Variants in LRP2 observed in about 807,000 individuals in gnomAD.
The protein encoded by LRP2 is low-density lipoprotein receptor-related protein 2.
In LRP2, 172 loss-of-function variants were observed where a neutral mutation model predicts 531.0. The observed-to-expected ratio is 0.32, with a 90% CI of 0.29 to 0.37. The LOEUF is 0.37. Ranked by LOEUF, LRP2 falls within the 10% of genes least tolerant of loss-of-function variation. LRP2 has a pLI of 1.00. For synonymous variants in LRP2, 1,992 were observed against 2,027.6 expected (o/e 0.98, Z 0.47); for missense variants, 5,167 against 5,868.3 (o/e 0.88, Z 3.90).
intron 24 of LRP2, among the ~76,000 whole-genome samples, chr2:169,242,087 G>A (rs1349045423): frequency 6.6e-6 from 1 of 152,188 alleles, no homozygotes; most frequent in Non-Finnish European, 1.5e-5. Context: ...TAGATGTTGT[G>A]CAAACTATAA....
rs1459105133 is a variant in LRP2, at chr2:169,182,209, C to A, written c.9956G>T (p.Cys3319Phe). Residue 3319 changes from cysteine to phenylalanine, a missense_variant, in exon 51 of 79, where the codon TGC becomes TTC. Transcript: ENST00000649046. ...QHCVDANNTFCFDNPRGLALH... is the reference protein window; with the variant it reads ...QHCVDANNTFFFDNPRGLALH... ...GGCAAGTCCTCTGGGATTATCAAAG[C>A]AGAAGGTGTTGTTGGCATCCACACA... 3 of 1,614,064 alleles carry A rather than the reference C, an allele frequency of 1.9e-6. No individual in the cohort carries two copies. The highest frequency in any genetic ancestry group is 2.5e-6 in the Non-Finnish European group (3 of 1,180,022).
In LRP2 at chr2:169,318,814, C is replaced by T. The variant is rs755807130; in HGVS notation, c.258G>A (p.Val86=). 2 of 1,614,152 alleles carry T rather than the reference C, an allele frequency of 1.2e-6. No individual in the cohort carries two copies. Among genetic ancestry groups the T allele is most frequent in the Non-Finnish European group, 1.7e-6 (2 of 1,179,990 alleles). ...SEGQCIPNSW[V]CDQDQDCDDG... ...CATCACAGTCTTGATCTTGGTCACA[C>T]ACCCAGGAGTTGGGGATGCATTGTC... Residue 86 remains valine, a synonymous_variant, in exon 3 of 79, where the codon GTG becomes GTA. Transcript: ENST00000649046.
Position 169,241,355 on chromosome 2 carries a change from A to G in LRP2, c.3678T>C (p.Pro1226=). The G allele has an allele frequency of 1.2e-6, 2 of 1,614,162 alleles. No individual in the cohort carries two copies. The highest frequency in any genetic ancestry group is 1.7e-6 in the Non-Finnish European group (2 of 1,180,030). ...ATTCATCTGAGTGGCACATACCAGG[A>G]GGCCTGGTTGCTAGAAGGAAAACAT... is the stretch of plus-strand genomic sequence containing the variant. ...NSDEAGCPTR[P]PGMCHSDEFQ... The change falls in exon 25 of 79, where the codon CCT becomes CCC. Residue 1226 remains proline (P), a synonymous_variant. Transcript: ENST00000649046.
intron 36 of LRP2, among the ~76,000 whole-genome samples, chr2:169,212,748 A>G (rs560900083): frequency 2.0e-5 from 3 of 150,222 alleles, no homozygotes; most frequent in South Asian, 2.2e-4. Flanking sequence ...AGAATGATAC[A>G]ATGGACTTTG....
At chr2:169,309,120 T>C (rs542986355) in intron 3 of LRP2, among the ~76,000 whole-genome samples, 3 of 152,220 alleles carry the variant, frequency 2.0e-5, no homozygotes, top group Non-Finnish European at 2.9e-5. Context: ...ATTCTGGATA[T>C]CAGCCCTTTG....
chr2:169,173,396 T>C (rs568526697), intron 56 of LRP2, among the ~76,000 whole-genome samples, 172 bp from the exon 57 acceptor site: 4 of 152,286 alleles, frequency 2.6e-5, no homozygotes, highest in African/African-American at 9.6e-5. Flanking sequence ...AGCAGAAAAA[T>C]AGTCCTAAGT....
At position 169,241,004 on chromosome 2, in the gene LRP2, A is replaced by G. The variant is rs1484068728; in HGVS notation, c.4029T>C (p.Asp1343=). Residue 1343 remains aspartate (D), a synonymous_variant, in exon 25 of 79, where the codon GAT becomes GAC. Transcript: ENST00000649046. ...GAAACTTACTGCAAAGTGGGGACTC[A>G]TCTGTCCCATTGGGGCAGTCAAAGA... ...DGIFDCPNGT[D]ESPLCNGNSC... The G allele has an allele frequency of 1.9e-6, 3 of 1,613,446 alleles. No homozygotes were observed. The highest frequency in any genetic ancestry group is 2.5e-6 in the Non-Finnish European group (3 of 1,180,034).
At chr2:169,243,545 C>A (rs1441466099) in intron 22 of LRP2, 23 bp from the exon 23 acceptor site, 2 of 1,613,662 alleles carry the variant, frequency 1.2e-6, no homozygotes, top group Admixed American at 1.7e-5. Flanking sequence ...GAAAACAAAA[C>A]CAACAAGTTT....
chr2:169,187,633 C>T (rs971905305), intron 49 of LRP2, among the ~76,000 whole-genome samples: 11 of 152,188 alleles, frequency 7.2e-5, no homozygotes, highest in African/African-American at 2.2e-4. Context: ...CAGAGGGATG[C>T]TTCAGGCAAA....
chr2:169,176,552 G>C lies in LRP2; in HGVS notation c.10430C>G (p.Ser3477Cys). Residue 3477 changes from serine (S) to cysteine (C), a missense_variant, in exon 54 of 79, where the codon TCT (serine) becomes TGT (cysteine). By Grantham distance (112) the Ser-to-Cys change is moderately radical. Around this residue, in one of 6 missense-constraint regions of LRP2, gnomAD observed 1,129 missense variants for 1,362.7 expected, o/e 0.83. Transcript: ENST00000649046. ...NPCGTNNGGCSHLCLIKPGGK... is the reference protein window; with the variant it reads ...NPCGTNNGGCCHLCLIKPGGK... ...TCCTGGCTTGATGAGGCAGAGATGAGAACAGCCACCATTGTTGGTACCACA... is the reference window on the plus strand; with the variant it reads ...TCCTGGCTTGATGAGGCAGAGATGACAACAGCCACCATTGTTGGTACCACA... 1 of 1,614,182 alleles carries C rather than the reference G, an allele frequency of 6.2e-7. No homozygotes were observed. The highest frequency in any genetic ancestry group is 8.5e-7 in the Non-Finnish European group (1 of 1,180,028).
At chr2:169,133,577 T>A (rs1047270805) in intron 76 of LRP2, among the ~76,000 whole-genome samples, 2 of 113,884 alleles carry the variant, frequency 1.8e-5, no homozygotes, top group African/African-American at 6.1e-5. Flanking sequence ...ATGTGCCATA[T>A]CTCGAGTTCA....
chr2:169,235,243 AT>A (rs34253860), intron 29 of LRP2, among the ~76,000 whole-genome samples: 72,212 of 145,754 alleles, frequency 0.5, 17,584 homozygotes, highest in South Asian at 0.73. Flanking sequence ...CTTGAAAAAA[AT>A]TTTTTTTTTT....
At chr2:169,275,375 C>T (rs1213499778) in intron 13 of LRP2, 137 bp from the exon 14 acceptor site, 2 of 714,858 alleles carry the variant, frequency 2.8e-6, no homozygotes, top group Non-Finnish European at 2.4e-6. Flanking sequence ...AGAAAAGATA[C>T]ATTTTAGATG....
chr2:169,271,208 A>T, intron 15 of LRP2, 101 bp from the exon 16 acceptor site: 2 of 735,990 alleles, frequency 2.7e-6, no homozygotes, highest in Non-Finnish European at 4.6e-6. Context: ...TTAAATTATA[A>T]AATATAATTC....
At chr2:169,137,299 G>T in intron 76 of LRP2, 93 bp downstream of exon 76, 2 of 948,466 alleles carry the variant, frequency 2.1e-6, no homozygotes, top group Non-Finnish European at 3.5e-6. Flanking sequence ...CCTTCCCTTT[G>T]GAGGGAAGGT....
chr2:169,227,958 C>T (rs1280133859), intron 31 of LRP2, among the ~76,000 whole-genome samples: 1 of 152,166 alleles, frequency 6.6e-6, no homozygotes, highest in African/African-American at 2.4e-5. Context: ...GGCTCATTCA[C>T]TTCCAGGCCC....
At chr2:169,357,862 AC>A (rs1256795120) in intron 1 of LRP2, among the ~76,000 whole-genome samples, 4 of 152,196 alleles carry the variant, frequency 2.6e-5, no homozygotes, top group African/African-American at 9.7e-5. Flanking sequence ...CCTAATAATT[AC>A]CTTTAGTAAG....
At chr2:169,245,963 C>T (rs1485707690) in intron 21 of LRP2, among the ~76,000 whole-genome samples, 1 of 152,092 alleles carries the variant, frequency 6.6e-6, no homozygotes, top group Non-Finnish European at 1.5e-5. Flanking sequence ...CTCAACCTCC[C>T]CAGCTCAAAC....
chr2:169,347,877 T>A (rs190829265), intron 1 of LRP2, among the ~76,000 whole-genome samples: 33 of 152,178 alleles, frequency 2.2e-4, no homozygotes, highest in African/African-American at 7.9e-4. Flanking sequence ...TGTCCAAAAG[T>A]TGGGTCGCAA....
Sources: allele counts gnomAD v4.1 joint callset (sites outside exome capture counted in the v4.1 genomes callset), GRCh38; gene constraint gnomAD v4.1.1; regional missense constraint gnomAD v4.1.1; transcripts MANE v1.5; gene names NCBI Gene and HGNC (gene_info 2026-07-23, HGNC 2026-07-21).